DLEC1: variants seen among roughly 807,000 people sequenced by gnomAD.
DLEC1 encodes deleted in lung and esophageal cancer protein 1.
DLEC1 carries 146 observed loss-of-function variants against 198.1 expected under a neutral mutation model. The observed-to-expected ratio is 0.74, with a 90% CI of 0.64 to 0.85. The LOEUF is 0.85. Ranked by LOEUF, DLEC1 falls within the 40% of genes least tolerant of loss-of-function variation. The pLI is 0.00. For synonymous variants in DLEC1, 897 were observed against 866.8 expected (o/e 1.03, Z -0.61); for missense variants, 2,233 against 2,220.0 (o/e 1.01, Z -0.12).
rs757995730 is a variant in DLEC1 at position 38,120,658 on chromosome 3, G to C, written c.4866+49G>C. 9 of 1,607,060 alleles carry C rather than the reference G, an allele frequency of 5.6e-6. No individual in the cohort carries two copies. The East Asian group carries it at 2.0e-4, about 36-fold the overall frequency. The stretch of plus-strand genomic sequence containing the variant: ...GTGGAGGAGGGTGGAAGTGGGCTGG[G>C]CTGTGTTCTGCTGGGGCCAGAGGAG... On this transcript the variant is annotated intron_variant, in intron 34 of 36. Transcript: ENST00000308059.
intron 33 of DLEC1, among the ~76,000 whole-genome samples, chr3:38,118,337 G>A (rs1440157755): frequency 6.6e-6 from 1 of 152,180 alleles, no homozygotes; most frequent in African/African-American, 2.4e-5. Context: ...GGTGGAGGCT[G>A]ATGCATTCCT....
At chr3:38,114,221 C>T (rs1172507852) in intron 25 of DLEC1, 121 bp from the exon 26 acceptor site, 16 of 803,080 alleles carry the variant, frequency 2.0e-5, no homozygotes, top group Non-Finnish European at 3.4e-5. Context: ...GAGTGGTACA[C>T]AGTGAGGCTG....
intron 8 of DLEC1, 140 bp from the exon 9 acceptor site, chr3:38,086,101 C>T (rs1698440707): frequency 1.6e-6 from 2 of 1,217,034 alleles, no homozygotes; most frequent in South Asian, 3.4e-5. Context: ...AGGACATGTC[C>T]CCACTCATCC....
At chr3:38,093,529 A>G in intron 11 of DLEC1, 76 bp from the exon 12 acceptor site, 1 of 1,564,082 alleles carries the variant, frequency 6.4e-7, no homozygotes, top group Non-Finnish European at 8.7e-7. Context: ...GGATGGCGGC[A>G]TGGGTCCTGC....
At chr3:38,057,776 A>C (rs1696452838) in intron 2 of DLEC1, among the ~76,000 whole-genome samples, 1 of 151,402 alleles carries the variant, frequency 6.6e-6, no homozygotes, top group South Asian at 2.1e-4. Flanking sequence ...TAACTGTCTT[A>C]GCAATGACTT....
chr3:38,097,124 G>A (rs1046743489), intron 15 of DLEC1, 58 bp from the exon 16 acceptor site: 24 of 1,426,862 alleles, frequency 1.7e-5, no homozygotes, highest in Admixed American at 1.4e-4. Flanking sequence ...CCTTCAGCAG[G>A]TACAGAATTG....
At chr3:38,040,619 T>C (rs762813034) in intron 1 of DLEC1, among the ~76,000 whole-genome samples, 8 of 152,212 alleles carry the variant, frequency 5.3e-5, no homozygotes, top group Non-Finnish European at 1.0e-4. Flanking sequence ...CTGCTAAGAC[T>C]TCAGCCTACC....
intron 6 of DLEC1, among the ~76,000 whole-genome samples, chr3:38,064,624 G>A (rs1188239991): frequency 6.6e-6 from 1 of 150,826 alleles, no homozygotes; most frequent in Non-Finnish European, 1.5e-5. Context: ...GGGAAGGGCG[G>A]CTAGCCGGGC....
intron 1 of DLEC1, among the ~76,000 whole-genome samples, chr3:38,042,860 G>A (rs1700723069): frequency 1.3e-5 from 2 of 152,088 alleles, no homozygotes; most frequent in African/African-American, 4.8e-5. Context: ...CAGCAATGTT[G>A]CTGTTCTTAT....
At chr3:38,052,695 T>A (rs1047893726) in intron 2 of DLEC1, among the ~76,000 whole-genome samples, 1 of 152,216 alleles carries the variant, frequency 6.6e-6, no homozygotes, top group Non-Finnish European at 1.5e-5. Flanking sequence ...AGATCTTGCA[T>A]TGGGGTGGCC....
At chr3:38,074,373 A>G (rs1411305199) in intron 6 of DLEC1, among the ~76,000 whole-genome samples, 1 of 152,186 alleles carries the variant, frequency 6.6e-6, no homozygotes, top group African/African-American at 2.4e-5. Flanking sequence ...TCCTAATGTC[A>G]GGAGTGGATT....
At chr3:38,062,472 ATAGAG>A in intron 4 of DLEC1, 104 bp downstream of exon 4, 2 of 1,577,458 alleles carry the variant, frequency 1.3e-6, no homozygotes, top group Non-Finnish European at 1.7e-6. Context: ...CCATCGCAAA[ATAGAG>A]TAGAGCTTGT....
At chr3:38,097,935 C>T (rs369751685) in intron 18 of DLEC1, 33 bp downstream of exon 18, 45 of 1,613,148 alleles carry the variant, frequency 2.8e-5, no homozygotes, top group Non-Finnish European at 3.8e-5. Flanking sequence ...CTCTGGTGCC[C>T]CCACAATGAG....
chr3:38,062,799 GAGGTA>G lies in DLEC1; in HGVS notation c.1093_1094+3del. The G allele has an allele frequency of 6.2e-7, 1 of 1,613,454 alleles. No homozygotes were observed. The highest frequency in any genetic ancestry group is 8.5e-7 in the Non-Finnish European group (1 of 1,179,806). ...AATTCCAGAGTACAGAGCCAGAACA[GAGGTA>G]TGTCTTTCTCTGGCTTGAACTCTCA... On this transcript the variant is annotated splice_donor_variant and splice_donor_region_variant and coding_sequence_variant and intron_variant, in exon 5 of 37. Coordinates refer to ENST00000308059, the MANE Select transcript of DLEC1 (RefSeq NM_007335.4). LOFTEE classifies it high-confidence loss of function.
In DLEC1 at chr3:38,085,436, C is replaced by A. The variant is rs1187971803; in HGVS notation, c.1424C>A (p.Pro475His). ...LIPLQARRPPPVLTLSPVLDC... is the reference protein window; with the variant it reads ...LIPLQARRPPHVLTLSPVLDC... Reference sequence around the variant, plus strand: ...CCCCTGCAGGCCCGGAGGCCGCCCCCCGTGCTGACATGTGAGTGTGCACCG... The same window carrying A: ...CCCCTGCAGGCCCGGAGGCCGCCCCACGTGCTGACATGTGAGTGTGCACCG... Residue 475 changes from proline (P) to histidine (H), a missense_variant, in exon 8 of 37, where the codon CCC (proline) becomes CAC (histidine). Pro to His is a moderately conservative substitution (Grantham distance 77). Transcript: ENST00000308059. 6.2e-7 allele frequency: 1 copy of A among 1,613,886 alleles called. No homozygotes were observed. The highest frequency in any genetic ancestry group is 8.5e-7 in the Non-Finnish European group (1 of 1,179,978).
chr3:38,096,586 T>G lies in DLEC1; in HGVS notation c.2189T>G (p.Leu730Arg). 6.2e-7 allele frequency: 1 copy of G among 1,611,798 alleles called. No individual in the cohort carries two copies. Among genetic ancestry groups the G allele is most frequent in the Non-Finnish European group, 8.5e-7 (1 of 1,179,780 alleles). Residue 730 changes from leucine (L) to arginine (R), a missense_variant, in exon 15 of 37, where the codon CTG becomes CGG. By Grantham distance (102) the Leu-to-Arg change is moderately radical. Coordinates refer to ENST00000308059, the MANE Select transcript of DLEC1 (RefSeq NM_007335.4). ...PEPVSSEAES[L>R]GHSSYSVDDV... ...GTGTTTAGTTCAGAAGCGGAGAGCCTGGGGCACTCCTCCTACTCTGTGGAT... is the reference window on the plus strand; with the variant it reads ...GTGTTTAGTTCAGAAGCGGAGAGCCGGGGGCACTCCTCCTACTCTGTGGAT...
intron 16 of DLEC1, 48 bp from the exon 17 acceptor site, chr3:38,097,459 A>G: frequency 6.2e-7 from 1 of 1,607,968 alleles, no homozygotes; most frequent in Admixed American, 1.7e-5. Context: ...ATAGGAGGAA[A>G]CTGCCTCTGC....
intron 34 of DLEC1, 33 bp from the exon 35 acceptor site, chr3:38,121,595 C>T: frequency 6.2e-7 from 1 of 1,602,816 alleles, no homozygotes; most frequent in Non-Finnish European, 8.5e-7. Flanking sequence ...CAGAGCCCAC[C>T]CAGAATGGAC....
intron 6 of DLEC1, among the ~76,000 whole-genome samples, chr3:38,073,211 G>A (rs1489660602): frequency 1.3e-5 from 2 of 152,208 alleles, no homozygotes; most frequent in Non-Finnish European, 2.9e-5. Context: ...GAGTGTATGG[G>A]TTGGGCACCA....
Sources: gnomAD v4.1 joint callset for allele counts (sites outside exome capture counted in the v4.1 genomes callset) on GRCh38, gnomAD v4.1.1 for gene constraint, MANE v1.5 for transcripts, NCBI Gene and HGNC (gene_info 2026-07-23, HGNC 2026-07-21) for gene names.